Variants in GRIA1 observed in about 807,000 individuals in gnomAD.
GRIA1 encodes the protein glutamate receptor 1.
GRIA1 carries 31 observed loss-of-function variants against 99.2 expected under a neutral mutation model. The ratio of observed to expected loss-of-function variants is 0.31; its 90% CI spans 0.23 to 0.42. The LOEUF (loss-of-function observed/expected upper bound fraction) is 0.42. Ranked by LOEUF, GRIA1 falls within the 10% of genes least tolerant of loss-of-function variation. The probability of loss-of-function intolerance (pLI) is 1.00; values close to 1 mark genes in which losing one functional copy is unlikely to be tolerated. For synonymous variants in GRIA1, 438 were observed against 432.4 expected, an observed-to-expected ratio of 1.01 and a Z score of -0.16; for missense variants, 782 against 1,157.5, an observed-to-expected ratio of 0.68 and a Z score of 4.71.
intron 11 of GRIA1, among the ~76,000 whole-genome samples, chr5:153,742,003 G>T (rs1252184623): frequency 6.6e-6 from 1 of 151,656 alleles, no homozygotes. Flanking sequence ...GGATTTGCAG[G>T]CTGTTTGTTA....
chr5:153,773,258 A>C (rs186867025), intron 13 of GRIA1, among the ~76,000 whole-genome samples: 3 of 152,330 alleles, frequency 2.0e-5, no homozygotes. Context: ...CACAGCTAAT[A>C]AGGTAGAAGC....
At chr5:153,574,791 G>A (rs2149366931) in intron 2 of GRIA1, among the ~76,000 whole-genome samples, 1 of 152,192 alleles carries the variant, frequency 6.6e-6, no homozygotes, top group African/African-American at 2.4e-5. Flanking sequence ...CTGGGTTCTA[G>A]TTCTTTCAGA....
intron 11 of GRIA1, among the ~76,000 whole-genome samples, chr5:153,756,053 C>A (rs1762807182): frequency 6.6e-6 from 1 of 152,236 alleles, no homozygotes; most frequent in South Asian, 2.1e-4. Context: ...CCTGATGACA[C>A]TGGTCTTGCC....
intron 11 of GRIA1, among the ~76,000 whole-genome samples, chr5:153,733,117 A>G (rs1761158025): frequency 1.3e-5 from 2 of 151,894 alleles, no homozygotes; most frequent in Admixed American, 1.3e-4. Context: ...ATAATTTGTT[A>G]TTGGTTTGTT....
intron 2 of GRIA1, among the ~76,000 whole-genome samples, chr5:153,500,848 T>G (rs145723199): frequency 9.2e-5 from 14 of 152,174 alleles, no homozygotes; most frequent in Admixed American, 2.0e-4. Context: ...CATACTGAGT[T>G]GAGATTTGAA....
intron 5 of GRIA1, among the ~76,000 whole-genome samples, chr5:153,659,067 A>G (rs186139216): frequency 3.3e-5 from 5 of 152,252 alleles, no homozygotes; most frequent in African/African-American, 1.2e-4. Flanking sequence ...CAACTCTCCA[A>G]TCCTCAGTTT....
At chr5:153,602,468 C>G (rs1765063551) in intron 2 of GRIA1, among the ~76,000 whole-genome samples, 1 of 151,946 alleles carries the variant, frequency 6.6e-6, no homozygotes, top group African/African-American at 2.4e-5. Context: ...CAGCATGGCA[C>G]ATGTATACAT....
intron 11 of GRIA1, among the ~76,000 whole-genome samples, chr5:153,739,996 T>A (rs1470238954): frequency 6.6e-6 from 1 of 152,220 alleles, no homozygotes. Flanking sequence ...AATATCTTTT[T>A]AAAATATATG....
At chr5:153,648,059 C>T (rs1754288106) in intron 3 of GRIA1, among the ~76,000 whole-genome samples, 1 of 152,158 alleles carries the variant, frequency 6.6e-6, no homozygotes, top group African/African-American at 2.4e-5. Flanking sequence ...CACGCAAGAC[C>T]TGAAAGGTGA....
intron 5 of GRIA1, among the ~76,000 whole-genome samples, chr5:153,665,452 G>A (rs13174758): frequency 0.062 from 9,506 of 152,216 alleles, 311 homozygotes; most frequent in Middle Eastern, 0.13. Context: ...TAATTAGAGG[G>A]AACCAGACTA....
chr5:153,689,841 A>G (rs574263784), intron 8 of GRIA1, among the ~76,000 whole-genome samples: 2 of 152,246 alleles, frequency 1.3e-5, no homozygotes, highest in East Asian at 3.9e-4. Flanking sequence ...TGGGGCCTTC[A>G]TCAATTGACA....
rs776423904 is a variant in GRIA1 at position 153,770,386 on chromosome 5, C to T, written c.2241C>T (p.Gly747=). 2.5e-6 allele frequency: 4 copies of T among 1,613,838 alleles called. No individual in the cohort carries two copies. Among genetic ancestry groups the T allele is most frequent in the Non-Finnish European group, 2.5e-6 (3 of 1,179,796 alleles). ...VGGNLDSKGY[G]IATPKGSALR... ...GTAACTTGGATTCCAAAGGCTATGG[C>T]ATTGCAACACCCAAGGGGTCTGCCC... Residue 747 remains glycine (G), a synonymous_variant, in exon 13 of 16, where the codon GGC becomes GGT. Transcript: ENST00000285900.
chr5:153,495,261 A>AC (rs1581126658), intron 2 of GRIA1, among the ~76,000 whole-genome samples: 1 of 152,262 alleles, frequency 6.6e-6, no homozygotes, highest in Non-Finnish European at 1.5e-5. Context: ...AGCACTGACT[A>AC]CAGCCCATGT....
chr5:153,495,882 TG>T (rs1421093392), intron 2 of GRIA1, among the ~76,000 whole-genome samples: 4 of 152,246 alleles, frequency 2.6e-5, no homozygotes, highest in African/African-American at 9.6e-5. Context: ...TACCTATAAA[TG>T]TTTAAACGCA....
chr5:153,492,775 T>G (rs1415919481), intron 1 of GRIA1, among the ~76,000 whole-genome samples: 1 of 148,386 alleles, frequency 6.7e-6, no homozygotes, highest in Non-Finnish European at 1.5e-5. Context: ...ATAAAGCCAT[T>G]GCTACTGTTT....
intron 2 of GRIA1, among the ~76,000 whole-genome samples, chr5:153,641,217 A>G (rs1183538676): frequency 6.6e-6 from 1 of 152,122 alleles, no homozygotes; most frequent in East Asian, 1.9e-4. Context: ...GCTATTTACA[A>G]TGAGGCTGCC....
At chr5:153,632,136 A>T (rs560687772) in intron 2 of GRIA1, among the ~76,000 whole-genome samples, 37 of 152,174 alleles carry the variant, frequency 2.4e-4, no homozygotes, top group African/African-American at 8.9e-4. Flanking sequence ...TGGCTGCTAG[A>T]TGAAGGATGG....
At chr5:153,794,757 A>G (rs1211171197) in intron 14 of GRIA1, 22 bp downstream of exon 14, 2 of 1,458,256 alleles carry the variant, frequency 1.4e-6, no homozygotes, top group South Asian at 2.3e-5. Flanking sequence ...TAAGAAAAAA[A>G]AAAACCTAGT....
chr5:153,699,397 A>G (rs920639102), intron 10 of GRIA1, among the ~76,000 whole-genome samples: 2 of 152,242 alleles, frequency 1.3e-5, no homozygotes, highest in African/African-American at 2.4e-5. Context: ...TGGCTCTCTC[A>G]GTATCAGTTT....
Sources: gnomAD v4.1 joint callset for allele counts (sites outside exome capture counted in the v4.1 genomes callset) on GRCh38, gnomAD v4.1.1 for gene constraint, MANE v1.5 for transcripts, NCBI Gene and HGNC (gene_info 2026-07-23, HGNC 2026-07-21) for gene names.